The following HERC6 variants were observed in gnomAD, a reference collection of about 807,000 sequenced individuals.
HERC6 encodes the protein probable E3 ubiquitin-protein ligase HERC6.
In HERC6, 101 loss-of-function variants were observed where a neutral mutation model predicts 114.5. The ratio of observed to expected loss-of-function variants is 0.88; its 90% CI spans 0.75 to 1.04. The LOEUF is 1.04. HERC6 is among the 50% of genes least tolerant of loss of function. HERC6 has a pLI of 0.00. For synonymous variants in HERC6, 408 were observed against 436.2 expected (o/e 0.94, Z 0.81); for missense variants, 1,133 against 1,230.9 (o/e 0.92, Z 1.19).
intron 3 of HERC6, among the ~76,000 whole-genome samples, chr4:88,389,914 T>C (rs1420937173): frequency 6.6e-6 from 1 of 152,066 alleles, no homozygotes; most frequent in East Asian, 1.9e-4. Flanking sequence ...CGGTAGCTCA[T>C]GCCTGTAATC....
intron 3 of HERC6, among the ~76,000 whole-genome samples, chr4:88,387,121 G>A (rs1222747011): frequency 1.3e-5 from 2 of 152,194 alleles, no homozygotes; most frequent in Admixed American, 1.3e-4. Context: ...ACTGGGCTGG[G>A]CATAGTGGCT....
Position 88,439,864 on chromosome 4 carries a change from T to C in HERC6, c.2556-10T>C. 1 of 1,235,464 alleles carries C rather than the reference T, an allele frequency of 8.1e-7. No homozygotes were observed. The highest frequency in any genetic ancestry group is 1.1e-6 in the Non-Finnish European group (1 of 942,472). 76.5% of individuals were successfully genotyped at this position (1,235,464 alleles called of 1,614,324 possible). A position where few individuals can be genotyped will look rare whatever the true frequency, so the allele number is the denominator to read the frequency against. On this transcript the variant is annotated splice_polypyrimidine_tract_variant and intron_variant, in intron 20 of 22. Coordinates refer to ENST00000264346, the MANE Select transcript of HERC6 (RefSeq NM_017912.4). Reference sequence around the variant, plus strand: ...TTTCTTTTTTTTTTTTTTTTTTTGCTTCCCTCAAGGAGAGACTATGTTTCT... The same window carrying C: ...TTTCTTTTTTTTTTTTTTTTTTTGCCTCCCTCAAGGAGAGACTATGTTTCT...
chr4:88,390,835 G>T lies in HERC6; in HGVS notation c.620G>T (p.Ser207Ile). 6.2e-7 allele frequency: 1 copy of T among 1,614,068 alleles called. No homozygotes were observed. Among genetic ancestry groups the T allele is most frequent in the East Asian group, 2.2e-5 (1 of 44,882 alleles). ...TGTGGGACTTCGTTTGGCTGGGGAA[G>T]TAACAGTGCCGGGCAGCTGGCCCTC... ...SLCGTSFGWGSNSAGQLALSG... is the reference protein window; with the variant it reads ...SLCGTSFGWGINSAGQLALSG... The change falls in exon 4 of 23, where the codon AGT (serine) becomes ATT (isoleucine). Residue 207 changes from serine (S) to isoleucine (I), a missense_variant. Physicochemically the swap from Ser to Ile is moderately radical, Grantham distance 142. This residue lies in a region of HERC6 where 735 missense variants were observed against 754.0 expected (regional missense o/e 0.97). Transcript: ENST00000264346.
At chr4:88,417,382 G>C in intron 12 of HERC6, 43 bp from the exon 13 acceptor site, 1 of 1,568,366 alleles carries the variant, frequency 6.4e-7, no homozygotes, top group Non-Finnish European at 8.7e-7. Flanking sequence ...TTTGGGGGGT[G>C]GTAGGAAAAA....
chr4:88,385,654 C>T, intron 3 of HERC6, 79 bp downstream of exon 3: 2 of 674,378 alleles, frequency 3.0e-6, no homozygotes, highest in South Asian at 2.0e-5. Context: ...ATTTTTAATG[C>T]ACTGGGGTTC....
chr4:88,424,549 T>C, intron 14 of HERC6, 46 bp from the exon 15 acceptor site: 2 of 1,409,396 alleles, frequency 1.4e-6, no homozygotes, highest in Non-Finnish European at 2.0e-6. Flanking sequence ...AAGTTTTTTT[T>C]CATTGTTTTT....
rs755792733 is a variant in HERC6, at chr4:88,442,317, G to A, written c.2926G>A (p.Glu976Lys). The A allele has an allele frequency of 6.2e-7, 1 of 1,613,730 alleles. No individual in the cohort carries two copies. The highest frequency in any genetic ancestry group is 8.5e-7 in the Non-Finnish European group (1 of 1,179,808). ...ATTTCGCTGTCCTGAAACTTTCAGT[G>A]AAAGAGATCACCCAACATCAATAAC... ...IVFRCPETFSERDHPTSITCH... is the reference protein window; with the variant it reads ...IVFRCPETFSKRDHPTSITCH... Residue 976 changes from glutamate (E) to lysine (K), a missense_variant, in exon 23 of 23, where the codon GAA (glutamate) becomes AAA (lysine). Around this residue, in one of 3 missense-constraint regions of HERC6, gnomAD observed 388 missense variants for 445.9 expected, o/e 0.87. Transcript: ENST00000264346.
chr4:88,430,494 C>T (rs1239684280), intron 16 of HERC6, among the ~76,000 whole-genome samples: 1 of 151,798 alleles, frequency 6.6e-6, no homozygotes, highest in East Asian at 1.9e-4. Context: ...GGCTTGAACC[C>T]AGGAGGTGGA....
rs540164456 is a variant in HERC6 at position 88,421,289 on chromosome 4, C to T, written c.1714-2571C>T. 6.6e-5 allele frequency among the ~76,000 whole-genome samples: 10 copies of T among 152,216 alleles called. 2 individuals carry two copies. In the South Asian group the frequency reaches 1.9e-3, roughly 28 times the overall value. On this transcript the variant is annotated intron_variant, in intron 13 of 22. Coordinates refer to ENST00000264346, the MANE Select transcript of HERC6 (RefSeq NM_017912.4). The stretch of plus-strand genomic sequence containing the variant: ...TTTTTGTGTAGACATGTTTTCATTT[C>T]CCGTATATACCCAAGAGTGGGATAT...
intron 4 of HERC6, among the ~76,000 whole-genome samples, chr4:88,392,306 C>G (rs1320052184): frequency 6.6e-6 from 1 of 150,766 alleles, no homozygotes; most frequent in African/African-American, 2.4e-5. Context: ...CCACCACACC[C>G]AGCTAATTTT....
At chr4:88,440,937 C>T (rs1044239191) in intron 22 of HERC6, among the ~76,000 whole-genome samples, 1 of 152,182 alleles carries the variant, frequency 6.6e-6, no homozygotes, top group African/African-American at 2.4e-5. Context: ...TTTTCTATCT[C>T]TGTATCACCA....
rs1244453555 is a variant in HERC6, at chr4:88,396,077, T to C, written c.822T>C (p.Pro274=). The stretch of plus-strand genomic sequence containing the variant: ...GACAGCTGGGATACAGCCCCACTCC[T>C]GAGAAGAGAGGTCCACAACTTGTGG... ...RSGQLGYSPT[P]EKRGPQLVER... Residue 274 remains proline, a synonymous_variant, in exon 6 of 23, where the codon CCT becomes CCC. Coordinates refer to ENST00000264346, the MANE Select transcript of HERC6 (RefSeq NM_017912.4). The C allele has an allele frequency of 1.2e-6, 2 of 1,609,236 alleles. No homozygotes were observed. Among genetic ancestry groups the C allele is most frequent in the African/African-American group, 2.7e-5 (2 of 74,682 alleles).
At position 88,379,026 on chromosome 4, in the gene HERC6, T is replaced by TCTG. The variant is rs768413816; in HGVS notation, c.115_117dup (p.Leu39dup). On this transcript the variant is annotated inframe_insertion, in exon 1 of 23. Coordinates refer to ENST00000264346, the MANE Select transcript of HERC6 (RefSeq NM_017912.4). ...AGGCGGCCAGCGGGGAGCGCCACTC[T>TCTG]CTGCTGCTGCTGACCAACCACAGGG... 1.9e-6 allele frequency: 3 copies of TCTG among 1,567,180 alleles called. No homozygotes were observed. The highest frequency in any genetic ancestry group is 3.8e-5 in the Admixed American group (2 of 53,194).
intron 11 of HERC6, 37 bp downstream of exon 11, chr4:88,408,654 A>G: frequency 3.1e-6 from 4 of 1,302,066 alleles, no homozygotes; most frequent in Non-Finnish European, 4.3e-6. Context: ...TAGAACAAAT[A>G]CGATTGCAGT....
chr4:88,431,133 G>T, intron 16 of HERC6, 29 bp from the exon 17 acceptor site: 1 of 1,588,478 alleles, frequency 6.3e-7, no homozygotes, highest in Non-Finnish European at 8.6e-7. Context: ...TTTTAAGTCA[G>T]GATCTGGGAC....
At chr4:88,395,325 A>G (rs1416026075) in intron 5 of HERC6, among the ~76,000 whole-genome samples, 1 of 152,210 alleles carries the variant, frequency 6.6e-6, no homozygotes, top group East Asian at 1.9e-4. Flanking sequence ...AATAAATTCA[A>G]CCTCATACTT....
Position 88,439,927 on chromosome 4 carries a change from C to A in HERC6, c.2609C>A (p.Ala870Glu). 6.3e-7 allele frequency: 1 copy of A among 1,598,090 alleles called. No homozygotes were observed. The highest frequency in any genetic ancestry group is 8.5e-7 in the Non-Finnish European group (1 of 1,174,132). Reference sequence around the variant, plus strand: ...TACATTTTCAACGTCTCTGTAAAAGCAGTTTATGAGGAATTTCAGAGAGGA... The same window carrying A: ...TACATTTTCAACGTCTCTGTAAAAGAAGTTTATGAGGAATTTCAGAGAGGA... ...IDYIFNVSVK[A>E]VYEEFQRGFY... The change falls in exon 21 of 23, where the codon GCA becomes GAA. Residue 870 changes from alanine to glutamate, a missense_variant. Ala to Glu is a moderately radical substitution (Grantham distance 107, BLOSUM62 -1). Coordinates refer to ENST00000264346, the MANE Select transcript of HERC6 (RefSeq NM_017912.4).
At chr4:88,394,254 C>T (rs1735085325) in intron 5 of HERC6, among the ~76,000 whole-genome samples, 1 of 151,968 alleles carries the variant, frequency 6.6e-6, no homozygotes, top group African/African-American at 2.4e-5. Context: ...GCGGGCAGAT[C>T]ACGAGGTCAG....
intron 6 of HERC6, 144 bp downstream of exon 6, chr4:88,396,286 C>A: frequency 1.8e-6 from 1 of 560,334 alleles, no homozygotes. Context: ...TTTAATTTTT[C>A]AGTTTTTAAT....
Sources: allele counts gnomAD v4.1 joint callset (sites outside exome capture counted in the v4.1 genomes callset), GRCh38; gene constraint gnomAD v4.1.1; regional missense constraint gnomAD v4.1.1; transcripts MANE v1.5; gene names NCBI Gene and HGNC (gene_info 2026-07-23, HGNC 2026-07-21).